The following SDK1 variants were observed in gnomAD, a reference collection of about 807,000 sequenced individuals.
SDK1 encodes sidekick cell adhesion molecule 1, also known as protein sidekick-1.
Under a neutral mutation model 245.5 loss-of-function variants are expected in SDK1, and 157 were observed. The observed-to-expected ratio is 0.64, with a 90% CI of 0.56 to 0.73. SDK1 has a LOEUF of 0.73. SDK1 is among the 30% of genes least tolerant of loss of function. The pLI is 0.00. For missense variants in SDK1, 3,583 were observed against 3,002.3 expected (o/e 1.19, Z -4.52); for synonymous variants, 1,647 against 1,278.5 (o/e 1.29, Z -6.15).
intron 1 of SDK1, among the ~76,000 whole-genome samples, chr7:3,538,230 C>T (rs919889358): frequency 5.9e-5 from 9 of 152,168 alleles, no homozygotes; most frequent in Admixed American, 3.9e-4. Context: ...TTGCCAACTG[C>T]GGCTTTGGGC....
At chr7:3,409,210 C>T (rs1164777123) in intron 1 of SDK1, among the ~76,000 whole-genome samples, 4 of 152,076 alleles carry the variant, frequency 2.6e-5, no homozygotes, top group African/African-American at 9.7e-5. Context: ...TTCTACACTC[C>T]TTTGCCTCAC....
At chr7:3,868,711 C>T (rs1239944483) in intron 5 of SDK1, among the ~76,000 whole-genome samples, 1 of 152,118 alleles carries the variant, frequency 6.6e-6, no homozygotes, top group Non-Finnish European at 1.5e-5. Flanking sequence ...ACATATGCAC[C>T]TTTTATTGTG....
At chr7:3,635,140 A>G (rs1782416890) in intron 2 of SDK1, among the ~76,000 whole-genome samples, 1 of 152,214 alleles carries the variant, frequency 6.6e-6, no homozygotes, top group Non-Finnish European at 1.5e-5. Context: ...TGGATTTGTA[A>G]TTTAAATAAA....
At chr7:3,893,095 A>G (rs1781502174) in intron 5 of SDK1, among the ~76,000 whole-genome samples, 1 of 152,252 alleles carries the variant, frequency 6.6e-6, no homozygotes, top group South Asian at 2.1e-4. Flanking sequence ...CTGTTTCCTC[A>G]TCTGTGAAGT....
chr7:3,546,989 G>C (rs568021092), intron 1 of SDK1, among the ~76,000 whole-genome samples: 1 of 152,110 alleles, frequency 6.6e-6, no homozygotes, highest in South Asian at 2.1e-4. Context: ...AGGGAGGGGA[G>C]GAAAATCTGA....
At chr7:3,663,460 C>T (rs1046593497) in intron 4 of SDK1, among the ~76,000 whole-genome samples, 7 of 152,112 alleles carry the variant, frequency 4.6e-5, no homozygotes, top group African/African-American at 1.4e-4. Context: ...TTCTCAGGGC[C>T]TTGCTTGTTT....
chr7:3,458,881 A>G (rs566323909), intron 1 of SDK1, among the ~76,000 whole-genome samples: 13 of 152,276 alleles, frequency 8.5e-5, no homozygotes, highest in Middle Eastern at 3.4e-3. Context: ...AGTTTTACAA[A>G]TAGTCTTTAT....
intron 1 of SDK1, among the ~76,000 whole-genome samples, chr7:3,461,735 G>GA (rs1321490785): frequency 1.3e-5 from 2 of 152,062 alleles, no homozygotes; most frequent in African/African-American, 2.4e-5. Context: ...CCATTAGATG[G>GA]AAAAAACCTC....
At chr7:3,857,253 ACAGT>A (rs766602542) in intron 5 of SDK1, among the ~76,000 whole-genome samples, 4 of 152,220 alleles carry the variant, frequency 2.6e-5, no homozygotes, top group Non-Finnish European at 4.4e-5. Flanking sequence ...TACTCAGGAC[ACAGT>A]CAGTGCAGCA....
At chr7:3,596,426 G>A (rs1037182714) in intron 1 of SDK1, among the ~76,000 whole-genome samples, 2 of 152,158 alleles carry the variant, frequency 1.3e-5, no homozygotes, top group Non-Finnish European at 2.9e-5. Flanking sequence ...CTGTAACAAT[G>A]GGTAGATGTC....
intron 18 of SDK1, among the ~76,000 whole-genome samples, chr7:4,051,338 CCTT>C (rs1011020528): frequency 4.9e-4 from 72 of 146,226 alleles, no homozygotes; most frequent in African/African-American, 1.6e-3. Flanking sequence ...TGTTTTTTAA[CCTT>C]CTTAAGTGAA....
chr7:3,724,834 A>G (rs931996199), intron 4 of SDK1, among the ~76,000 whole-genome samples: 1 of 152,172 alleles, frequency 6.6e-6, no homozygotes, highest in Non-Finnish European at 1.5e-5. Context: ...GAAGCATCCC[A>G]TGTCATTTCC....
intron 1 of SDK1, among the ~76,000 whole-genome samples, chr7:3,406,098 C>G (rs1480150601): frequency 6.6e-6 from 1 of 152,110 alleles, no homozygotes; most frequent in Non-Finnish European, 1.5e-5. Context: ...CAGGCGTGAG[C>G]CACCGCTCCT....
intron 1 of SDK1, among the ~76,000 whole-genome samples, chr7:3,349,898 G>A (rs368637021): frequency 6.6e-6 from 1 of 152,102 alleles, no homozygotes; most frequent in African/African-American, 2.4e-5. Flanking sequence ...CACCGTGCCC[G>A]GCCTAAGAGT....
At chr7:3,765,215 T>A (rs984202271) in intron 4 of SDK1, among the ~76,000 whole-genome samples, 2 of 152,204 alleles carry the variant, frequency 1.3e-5, no homozygotes, top group Non-Finnish European at 2.9e-5. Flanking sequence ...TTACTCAGGA[T>A]AATGTTTCTG....
At chr7:4,000,315 T>A (rs1321802273) in intron 14 of SDK1, among the ~76,000 whole-genome samples, 2 of 152,194 alleles carry the variant, frequency 1.3e-5, no homozygotes, top group Non-Finnish European at 1.5e-5. Flanking sequence ...AACGTTCTGG[T>A]GCCCCCAGCG....
At chr7:4,129,159 G>T (rs940570989) in intron 26 of SDK1, among the ~76,000 whole-genome samples, 1 of 132,190 alleles carries the variant, frequency 7.6e-6, no homozygotes, top group Non-Finnish European at 1.6e-5. Flanking sequence ...AGGGTTGGGT[G>T]CCCTGGAGGA....
At chr7:3,926,150 C>G (rs1779758734) in intron 5 of SDK1, among the ~76,000 whole-genome samples, 1 of 152,150 alleles carries the variant, frequency 6.6e-6, no homozygotes, top group African/African-American at 2.4e-5. Flanking sequence ...CTGATGGAGT[C>G]TACAGAAGCA....
intron 42 of SDK1, among the ~76,000 whole-genome samples, chr7:4,241,100 C>G (rs1298932162): frequency 6.6e-6 from 1 of 152,040 alleles, no homozygotes; most frequent in Admixed American, 6.5e-5. Flanking sequence ...ATGTGTTTTG[C>G]TATGTATTTG....
Sources: gnomAD v4.1 joint callset for allele counts (sites outside exome capture counted in the v4.1 genomes callset) on GRCh38, gnomAD v4.1.1 for gene constraint, MANE v1.5 for transcripts, NCBI Gene and HGNC (gene_info 2026-07-23, HGNC 2026-07-21) for gene names.